Variants in RAD54L2 observed in about 807,000 individuals in gnomAD.
RAD54L2 encodes the protein helicase ARIP4.
A neutral mutation model predicts 138.4 loss-of-function variants in RAD54L2; 27 were observed. That is an observed-to-expected ratio of 0.20 (90% CI 0.14 to 0.27). RAD54L2 has a LOEUF of 0.27. Ranked by LOEUF, RAD54L2 falls within the 10% of genes least tolerant of loss-of-function variation. The probability of loss-of-function intolerance (pLI) is 1.00; values close to 1 mark genes in which losing one functional copy is unlikely to be tolerated. For missense variants in RAD54L2, 1,396 were observed against 1,890.2 expected (o/e 0.74, Z 4.85); for synonymous variants, 644 against 723.2 (o/e 0.89, Z 1.76).
intron 3 of RAD54L2, among the ~76,000 whole-genome samples, chr3:51,597,189 A>C (rs938012223): frequency 9.4e-5 from 14 of 149,004 alleles, no homozygotes; most frequent in African/African-American, 2.7e-4. Flanking sequence ...AAAAAAAAAA[A>C]CCCCACAAAA....
At chr3:51,608,200 G>A (rs554089533) in intron 3 of RAD54L2, among the ~76,000 whole-genome samples, 38 of 151,790 alleles carry the variant, frequency 2.5e-4, no homozygotes, top group Admixed American at 4.6e-4. Flanking sequence ...GGTCGCGGCC[G>A]GGCAGAGGCG....
intron 3 of RAD54L2, among the ~76,000 whole-genome samples, chr3:51,613,896 T>G (rs1213441159): frequency 6.6e-6 from 1 of 152,210 alleles, no homozygotes; most frequent in African/African-American, 2.4e-5. Flanking sequence ...GGGACATTTG[T>G]CAATGTCTGG....
chr3:51,546,335 TATCAGATAAAA>T (rs1698693925), intron 2 of RAD54L2, among the ~76,000 whole-genome samples: 1 of 152,042 alleles, frequency 6.6e-6, no homozygotes, highest in South Asian at 2.1e-4. Context: ...TAAAAGTTGA[TATCAGATAAAA>T]AGGAAAACTG....
intron 19 of RAD54L2, among the ~76,000 whole-genome samples, chr3:51,654,620 C>G (rs1177493576): frequency 6.6e-6 from 1 of 152,172 alleles, no homozygotes; most frequent in Non-Finnish European, 1.5e-5. Context: ...TTTCCTCCAC[C>G]CATTCCTCCC....
At chr3:51,543,608 CAAAAAAAAA>C (rs1169502388) in intron 2 of RAD54L2, among the ~76,000 whole-genome samples, 1 of 60,472 alleles carries the variant, frequency 1.7e-5, no homozygotes, top group Admixed American at 2.0e-4. Flanking sequence ...AACTCCATCT[CAAAAAAAAA>C]AAAAAAAAAA....
intron 3 of RAD54L2, among the ~76,000 whole-genome samples, chr3:51,608,738 A>G (rs1700261726): frequency 6.6e-6 from 1 of 152,342 alleles, no homozygotes; most frequent in African/African-American, 2.4e-5. Flanking sequence ...AGGCAGGAGA[A>G]TCAGGCAGGG....
chr3:51,545,931 C>CTTT (rs781819728), intron 2 of RAD54L2, among the ~76,000 whole-genome samples: 1,687 of 79,416 alleles, frequency 0.021, 96 homozygotes, highest in African/African-American at 0.079. Flanking sequence ...TACATCAATT[C>CTTT]TTTTTTTTTT....
At chr3:51,542,485 G>T (rs1472074214) in intron 2 of RAD54L2, among the ~76,000 whole-genome samples, 3 of 148,854 alleles carry the variant, frequency 2.0e-5, no homozygotes, top group Non-Finnish European at 3.0e-5. Context: ...TTGCTCTGTT[G>T]CCCAGTCTGG....
chr3:51,567,337 C>A (rs1038820834), intron 2 of RAD54L2, among the ~76,000 whole-genome samples: 1 of 152,146 alleles, frequency 6.6e-6, no homozygotes, highest in Admixed American at 6.6e-5. Context: ...TGCCAAGGTA[C>A]CAAGTAGGAA....
At chr3:51,553,233 A>G (rs1311549986) in intron 2 of RAD54L2, among the ~76,000 whole-genome samples, 1 of 152,004 alleles carries the variant, frequency 6.6e-6, no homozygotes, top group African/African-American at 2.4e-5. Flanking sequence ...GCCCACTACC[A>G]CACCCAGCTA....
intron 3 of RAD54L2, among the ~76,000 whole-genome samples, chr3:51,610,383 C>T (rs1700300400): frequency 6.6e-6 from 1 of 152,034 alleles, no homozygotes; most frequent in South Asian, 2.1e-4. Context: ...ATGGGCGGAT[C>T]ACTTGAGGTC....
chr3:51,557,482 T>G (rs1698999028), intron 2 of RAD54L2, among the ~76,000 whole-genome samples: 1 of 151,568 alleles, frequency 6.6e-6, no homozygotes, highest in African/African-American at 2.4e-5. Context: ...TGCACCAGGC[T>G]GTTGTTGGCA....
At chr3:51,558,521 G>A (rs1458217468) in intron 2 of RAD54L2, among the ~76,000 whole-genome samples, 1 of 151,958 alleles carries the variant, frequency 6.6e-6, no homozygotes, top group African/African-American at 2.4e-5. Flanking sequence ...TCAGGCTAGA[G>A]TGCAGTGGCG....
At chr3:51,661,435 C>T (rs1259781103) in intron 22 of RAD54L2, among the ~76,000 whole-genome samples, 2 of 152,210 alleles carry the variant, frequency 1.3e-5, no homozygotes, top group African/African-American at 2.4e-5. Context: ...TGTCAACATA[C>T]ATTTTGATTA....
At chr3:51,567,013 T>C (rs1699234030) in intron 2 of RAD54L2, among the ~76,000 whole-genome samples, 1 of 152,204 alleles carries the variant, frequency 6.6e-6, no homozygotes, top group South Asian at 2.1e-4. Context: ...TTCATGAGAT[T>C]GTAACTCCTT....
At position 51,665,719 on chromosome 3, in the gene RAD54L2, AT is replaced by A. The variant is rs1415456094; in HGVS notation, c.*2302del. ...AGGAGTGAGCTAGACTGAATCTCCAATTTATGGGACACACTCAGAACCTGGG... is the reference window on the plus strand; with the variant it reads ...AGGAGTGAGCTAGACTGAATCTCCAATTATGGGACACACTCAGAACCTGGG... On this transcript the variant is annotated 3_prime_UTR_variant, in exon 23 of 23. Transcript: ENST00000684192. 6.6e-6 allele frequency: 1 copy of A among 152,156 alleles called. No individual in the cohort carries two copies. Among genetic ancestry groups the A allele is most frequent in the Non-Finnish European group, 1.5e-5 (1 of 68,026 alleles). The allele number at this position is 152,156 out of a possible 1,614,324, so 9.4% of individuals were successfully genotyped here.
rs149704636 is a variant in RAD54L2 at position 51,663,352 on chromosome 3, G to A, written c.4336G>A (p.Glu1446Lys). The A allele has an allele frequency of 4.3e-6, 7 of 1,613,862 alleles. No individual in the cohort carries two copies. Among genetic ancestry groups the A allele is most frequent in the Non-Finnish European group, 5.9e-6 (7 of 1,179,872 alleles). ...TCCATTTGACTCTCATGAGGTTGCC[G>A]AGGTTGGGTTCAGCTCCAATGATGA... ...VPPFDSHEVA[E>K]VGFSSNDDED... The change falls in exon 23 of 23, where the codon GAG (glutamate) becomes AAG (lysine). Residue 1446 changes from glutamate to lysine, a missense_variant. Physicochemically the swap from Glu to Lys is moderately conservative, Grantham distance 56 (BLOSUM62 1). Transcript: ENST00000684192.
chr3:51,583,674 G>A lies in RAD54L2; in HGVS notation c.-54-6693G>A, dbSNP rs532656755. ...ACTCCCGACCTCAGGTGATCTGCCC[G>A]CCTCGGCCTCCCAAAGTGCTGGGAT... On this transcript the variant is annotated intron_variant, in intron 2 of 22. Transcript: ENST00000684192. Among the ~76,000 whole-genome samples the A allele has an allele frequency of 4.7e-5, 7 of 148,542 alleles. 1 individual carries two copies. Among genetic ancestry groups the A allele is most frequent in the African/African-American group, 1.2e-4 (5 of 40,322 alleles).
At position 51,628,870 on chromosome 3, in the gene RAD54L2, C is replaced by T. The variant is rs546870455; in HGVS notation, c.342-464C>T. On this transcript the variant is annotated intron_variant, in intron 4 of 22. Coordinates refer to ENST00000684192, the MANE Select transcript of RAD54L2 (RefSeq NM_015106.4). The stretch of plus-strand genomic sequence containing the variant: ...AGCTGGGACTACAGGTGTGCACCAC[C>T]ACACCTGGCTAATTTTTGTATTTTT... 3.9e-5 allele frequency among the ~76,000 whole-genome samples: 6 copies of T among 152,140 alleles called. No individual in the cohort carries two copies. The South Asian group carries it at 1.2e-3, about 32-fold the overall frequency.
Sources: allele counts gnomAD v4.1 joint callset (sites outside exome capture counted in the v4.1 genomes callset), GRCh38; gene constraint gnomAD v4.1.1; transcripts MANE v1.5; gene names NCBI Gene and HGNC (gene_info 2026-07-23, HGNC 2026-07-21).